The following CEP63 variants were observed in gnomAD, a reference collection of about 807,000 sequenced individuals.
CEP63 encodes centrosomal protein 63, also known as centrosomal protein of 63 kDa.
CEP63 carries 84 observed loss-of-function variants against 89.1 expected under a neutral mutation model. The ratio of observed to expected loss-of-function variants is 0.94; its 90% confidence interval spans 0.79 to 1.13. The LOEUF is 1.13. CEP63 is among the 50% of genes most tolerant of loss of function. The pLI, the probability that CEP63 is intolerant of heterozygous loss-of-function variation, is 0.00. For missense variants in CEP63, 838 were observed against 813.3 expected, an observed-to-expected ratio of 1.03 and a Z score of -0.37; for synonymous variants, 267 against 272.5, an observed-to-expected ratio of 0.98 and a Z score of 0.20.
At chr3:134,715,178 G>C in the CEP63 span, among the ~76,000 whole-genome samples, 4 of 152,176 alleles carry the variant, frequency 2.6e-5, no homozygotes, top group Admixed American at 6.5e-5. Context: ...GGATACTACT[G>C]TCCATCTCTC....
chr3:134,672,644 C>T, the CEP63 span, among the ~76,000 whole-genome samples: 3 of 152,220 alleles, frequency 2.0e-5, no homozygotes, highest in East Asian at 3.9e-4. Flanking sequence ...CCAGTTTCGT[C>T]ATAAATGGCT....
At chr3:134,590,794 T>C (rs145810119), downstream of CEP63, among the ~76,000 whole-genome samples, 51 of 152,360 alleles carry the variant, frequency 3.3e-4, no homozygotes, top group African/African-American at 1.2e-3. Flanking sequence ...AATGGCACTA[T>C]ACAATTCCCT....
At chr3:134,653,953 T>C in the CEP63 span, among the ~76,000 whole-genome samples, 2 of 152,204 alleles carry the variant, frequency 1.3e-5, no homozygotes, top group African/African-American at 4.8e-5. Context: ...CCTAAATAAT[T>C]AATCTGCATC....
At chr3:134,493,969 AT>A (rs753760773) in intron 1 of CEP63, among the ~76,000 whole-genome samples, 306 of 152,330 alleles carry the variant, frequency 2.0e-3, no homozygotes, top group Non-Finnish European at 2.9e-3. Context: ...GACATTGAAC[AT>A]TTTGAAGATT....
the CEP63 span, chr3:134,604,422 C>T: frequency 6.2e-7 from 1 of 1,613,780 alleles, no homozygotes; most frequent in African/African-American, 1.3e-5. Context: ...TGAGCATGAA[C>T]ATGAACAGCG....
At chr3:134,551,662 T>G (rs1954847805) in intron 11 of CEP63, among the ~76,000 whole-genome samples, 1 of 151,172 alleles carries the variant, frequency 6.6e-6, no homozygotes, top group African/African-American at 2.4e-5. Flanking sequence ...ATTAGAATGA[T>G]ATCTTCATCC....
At chr3:134,551,156 A>G (rs200238927) in intron 11 of CEP63, among the ~76,000 whole-genome samples, 2 of 152,268 alleles carry the variant, frequency 1.3e-5, no homozygotes, top group East Asian at 1.9e-4. Flanking sequence ...TTTGTTTGGA[A>G]TAAAGGCTGG....
chr3:134,619,311 C>G, the CEP63 span: 2 of 1,427,126 alleles, frequency 1.4e-6, no homozygotes, highest in Non-Finnish European at 2.0e-6. Flanking sequence ...GCCTGGGAGG[C>G]GAGAAGACTC....
chr3:134,545,641 CAG>C lies in CEP63; in HGVS notation c.613_614del (p.Glu205AsnfsTer7). On this transcript the variant is annotated frameshift_variant, in exon 7 of 15. Transcript: ENST00000675561. LOFTEE classifies it high-confidence loss of function. Reference sequence around the variant, plus strand: ...GAGTCTGTGGAACTTTCTAGCCAATCAGAAATTCAACACTTAAGCAGTAAACT... The same window carrying C: ...GAGTCTGTGGAACTTTCTAGCCAATCAAATTCAACACTTAAGCAGTAAACT... 6.2e-7 allele frequency: 1 copy of C among 1,614,116 alleles called. No individual in the cohort carries two copies. Among genetic ancestry groups the C allele is most frequent in the Non-Finnish European group, 8.5e-7 (1 of 1,180,024 alleles).
the CEP63 span, among the ~76,000 whole-genome samples, chr3:134,738,253 C>CACAG: frequency 3.2e-5 from 1 of 30,846 alleles, no homozygotes; most frequent in Non-Finnish European, 1.6e-4. Context: ...CCATCATACA[C>CACAG]ACACACACAC....
the CEP63 span, among the ~76,000 whole-genome samples, chr3:134,687,391 G>A: frequency 6.6e-6 from 1 of 152,214 alleles, no homozygotes; most frequent in Non-Finnish European, 1.5e-5. Context: ...ACAGAGCGGT[G>A]AGCTTCAGCC....
intron 10 of CEP63, among the ~76,000 whole-genome samples, chr3:134,585,029 G>A (rs1374744376): frequency 4.2e-5 from 6 of 142,442 alleles, no homozygotes; most frequent in Admixed American, 3.6e-4. Context: ...TGTGGGATTG[G>A]TGGTGATATC....
At chr3:134,779,361 A>G in the CEP63 span, among the ~76,000 whole-genome samples, 1 of 152,062 alleles carries the variant, frequency 6.6e-6, no homozygotes, top group Non-Finnish European at 1.5e-5. Flanking sequence ...TTATTTTTCT[A>G]TTTTACAATG....
the CEP63 span, among the ~76,000 whole-genome samples, chr3:134,671,324 G>C: frequency 2.6e-5 from 4 of 152,150 alleles, no homozygotes; most frequent in Non-Finnish European, 5.9e-5. Flanking sequence ...TAGACACTGG[G>C]GCCTCCAAAA....
chr3:134,539,139 T>C (rs189104965), intron 6 of CEP63, among the ~76,000 whole-genome samples: 2 of 152,320 alleles, frequency 1.3e-5, no homozygotes, highest in East Asian at 3.9e-4. Flanking sequence ...TATATACCAG[T>C]GCTGTATGAT....
chr3:134,763,710 C>T, the CEP63 span, among the ~76,000 whole-genome samples: 1 of 152,194 alleles, frequency 6.6e-6, no homozygotes, highest in Non-Finnish European at 1.5e-5. Flanking sequence ...GATCAAGGGT[C>T]TTCATTAGAT....
downstream of CEP63, among the ~76,000 whole-genome samples, chr3:134,590,539 G>A (rs1390406737): frequency 2.0e-5 from 3 of 152,268 alleles, no homozygotes; most frequent in Non-Finnish European, 4.4e-5. Flanking sequence ...AAGAGAAAGC[G>A]GGAATTTGCT....
chr3:134,517,661 G>A (rs1193425692), intron 3 of CEP63, among the ~76,000 whole-genome samples: 1 of 152,144 alleles, frequency 6.6e-6, no homozygotes, highest in Non-Finnish European at 1.5e-5. Context: ...AAGATAACTT[G>A]AAAATCTGCA....
intron 4 of CEP63, 44 bp from the exon 5 acceptor site, chr3:134,532,721 CACCACTACTTCTT>C: frequency 6.9e-7 from 1 of 1,440,942 alleles, no homozygotes; most frequent in Non-Finnish European, 9.7e-7. Context: ...CAATTTGTCT[CACCACTACTTCTT>C]ACAAATTCTT....
Sources: allele counts gnomAD v4.1 joint callset (sites outside exome capture counted in the v4.1 genomes callset), GRCh38; gene constraint gnomAD v4.1.1; transcripts MANE v1.5; gene names NCBI Gene and HGNC (gene_info 2026-07-23, HGNC 2026-07-21).